RIMS2: variants seen among roughly 807,000 people sequenced by gnomAD.
RIMS2 encodes the protein regulating synaptic membrane exocytosis 2.
Under a neutral mutation model 174.4 loss-of-function variants are expected in RIMS2, and 59 were observed. The observed-to-expected ratio is 0.34, with a 90% CI of 0.27 to 0.42. RIMS2 has a LOEUF of 0.42. RIMS2 is among the 10% of genes least tolerant of loss of function. The pLI is 1.00. For synonymous variants in RIMS2, 606 were observed against 572.5 expected (o/e 1.06, Z -0.84); for missense variants, 1,620 against 1,666.3 (o/e 0.97, Z 0.48).
chr8:103,871,151 A>G (rs7017687), intron 3 of RIMS2, among the ~76,000 whole-genome samples: 7,345 of 152,210 alleles, frequency 0.048, 584 homozygotes, highest in African/African-American at 0.17. Context: ...GCTCATGCCT[A>G]TAATCCCAGC....
rs764174606 is a variant in RIMS2, at chr8:103,703,872, T to A, written c.387+6576T>A. ...TAACTTTACTGAATTTGTTTATGAG[T>A]GCTAAGAGATTTTGGTGTCATCTTT... On this transcript the variant is annotated intron_variant, in intron 2 of 23. Coordinates refer to ENST00000504942, the Ensembl canonical transcript of RIMS2. 1.2e-4 allele frequency among the ~76,000 whole-genome samples: 19 copies of A among 152,090 alleles called. 1 individual carries two copies. The highest frequency in any genetic ancestry group is 8.5e-4 in the Admixed American group (13 of 15,246).
chr8:104,205,011 T>A (rs1341715800), intron 19 of RIMS2, among the ~76,000 whole-genome samples: 1 of 152,194 alleles, frequency 6.6e-6, no homozygotes, highest in East Asian at 1.9e-4. Context: ...GAGCTAATGG[T>A]TTTGGAATTT....
At chr8:104,210,896 A>G (rs985912855) in intron 19 of RIMS2, among the ~76,000 whole-genome samples, 1 of 152,234 alleles carries the variant, frequency 6.6e-6, no homozygotes, top group Admixed American at 6.5e-5. Context: ...TGACATAGAC[A>G]TTCTTGGGGT....
At chr8:103,875,888 G>T (rs1310080405) in intron 3 of RIMS2, among the ~76,000 whole-genome samples, 1 of 151,890 alleles carries the variant, frequency 6.6e-6, no homozygotes, top group African/African-American at 2.4e-5. Context: ...TTTCATGTTT[G>T]TTGGCAACTT....
intron 19 of RIMS2, among the ~76,000 whole-genome samples, chr8:104,127,137 C>T (rs1390779458): frequency 6.6e-6 from 1 of 152,056 alleles, no homozygotes; most frequent in Admixed American, 6.6e-5. Context: ...TAAGTATTAA[C>T]TCTCTAGAAT....
chr8:103,754,722 G>A (rs1402827700), intron 2 of RIMS2, among the ~76,000 whole-genome samples: 3 of 152,062 alleles, frequency 2.0e-5, no homozygotes, highest in Non-Finnish European at 2.9e-5. Flanking sequence ...TTGGTTTAAA[G>A]TCTGTTTTAT....
At chr8:103,572,400 C>T (rs13263631) in intron 1 of RIMS2, among the ~76,000 whole-genome samples, 2 of 106,310 alleles carry the variant, frequency 1.9e-5, no homozygotes, top group Non-Finnish European at 4.1e-5. Context: ...TTTTACAGAG[C>T]ACTGATTGGT....
At chr8:104,095,770 AG>A (rs2097752361) in intron 19 of RIMS2, among the ~76,000 whole-genome samples, 1 of 152,126 alleles carries the variant, frequency 6.6e-6, no homozygotes, top group South Asian at 2.1e-4. Context: ...CTTATTTATA[AG>A]CAAGATTTTG....
chr8:103,837,897 T>C (rs1260023139), intron 3 of RIMS2, among the ~76,000 whole-genome samples: 2 of 152,050 alleles, frequency 1.3e-5, no homozygotes, highest in Non-Finnish European at 2.9e-5. Flanking sequence ...TTCTTAATGT[T>C]ACTTGCCTCA....
At chr8:104,110,980 G>A (rs1421128320) in intron 19 of RIMS2, among the ~76,000 whole-genome samples, 2 of 151,984 alleles carry the variant, frequency 1.3e-5, no homozygotes, top group African/African-American at 2.4e-5. Context: ...TCAAACTTTG[G>A]CCTCTATTCT....
rs1423191143 is a variant in RIMS2, at chr8:103,868,598, T to C, written c.699-16700T>C. ...CCATGTGTTAAGATTAAACATACTT[T>C]TTAAAACAAGTTTGGTTAAATTTTT... is the stretch of plus-strand genomic sequence containing the variant. On this transcript the variant is annotated intron_variant, in intron 3 of 23. Coordinates refer to ENST00000504942, the Ensembl canonical transcript of RIMS2. 2.0e-5 allele frequency among the ~76,000 whole-genome samples: 3 copies of C among 152,160 alleles called. No individual in the cohort carries two copies. The South Asian group carries it at 6.2e-4, about 31-fold the overall frequency.
intron 19 of RIMS2, among the ~76,000 whole-genome samples, chr8:104,086,816 A>T (rs187236524): frequency 6.6e-6 from 1 of 152,230 alleles, no homozygotes. Context: ...TTTAAATGAG[A>T]TCACAGGTCT....
chr8:103,595,763 G>A (rs2094457351), intron 1 of RIMS2, among the ~76,000 whole-genome samples: 1 of 151,904 alleles, frequency 6.6e-6, no homozygotes, highest in Non-Finnish European at 1.5e-5. Context: ...TAACCTTAGT[G>A]ATTTACCTCA....
At chr8:104,036,387 G>A (rs936443886) in intron 19 of RIMS2, among the ~76,000 whole-genome samples, 14 of 151,204 alleles carry the variant, frequency 9.3e-5, no homozygotes, top group African/African-American at 2.4e-4. Flanking sequence ...TCCTGACCTC[G>A]TGATCCGCCT....
intron 19 of RIMS2, among the ~76,000 whole-genome samples, chr8:104,082,175 A>G (rs2097432469): frequency 6.6e-6 from 1 of 152,010 alleles, no homozygotes; most frequent in African/African-American, 2.4e-5. Context: ...GTAAAGAAGG[A>G]ATAAAGGACG....
intron 1 of RIMS2, among the ~76,000 whole-genome samples, chr8:103,589,463 C>T (rs2094140876): frequency 1.3e-5 from 2 of 151,570 alleles, no homozygotes; most frequent in Non-Finnish European, 3.0e-5. Context: ...AAAGGGAACC[C>T]TTGTACACTG....
intron 1 of RIMS2, among the ~76,000 whole-genome samples, chr8:103,636,907 A>C (rs1564112579): frequency 6.6e-6 from 1 of 151,184 alleles, no homozygotes; most frequent in Non-Finnish European, 1.5e-5. Flanking sequence ...ACATAAGGAA[A>C]GTTCTCACCC....
intron 19 of RIMS2, chr8:104,223,823 T>A: frequency 1.3e-6 from 2 of 1,573,026 alleles, no homozygotes; most frequent in East Asian, 4.5e-5. Flanking sequence ...GTAGTTGGTG[T>A]CTCTATCTGT....
intron 1 of RIMS2, among the ~76,000 whole-genome samples, chr8:103,605,261 G>T (rs2094995120): frequency 1.4e-5 from 2 of 140,778 alleles, no homozygotes; most frequent in Non-Finnish European, 3.0e-5. Flanking sequence ...AGATAATCAT[G>T]TGGTTTTTGT....
Sources: gnomAD v4.1 joint callset for allele counts (sites outside exome capture counted in the v4.1 genomes callset) on GRCh38, gnomAD v4.1.1 for gene constraint, MANE v1.5 for transcripts, NCBI Gene and HGNC (gene_info 2026-07-23, HGNC 2026-07-21) for gene names.